EYS: variants seen among roughly 807,000 people sequenced by gnomAD.
The protein encoded by EYS is protein eyes shut homolog.
In EYS, 250 loss-of-function variants were observed where a neutral mutation model predicts 282.1. That is an observed-to-expected ratio of 0.89 (90% CI 0.80 to 0.98). The LOEUF (loss-of-function observed/expected upper bound fraction) is 0.98. Ranked by LOEUF, EYS falls within the 50% of genes least tolerant of loss-of-function variation. EYS has a pLI of 0.00. For missense variants in EYS, 4,016 were observed against 3,709.0 expected, an observed-to-expected ratio of 1.08 and a Z score of -2.15; for synonymous variants, 1,355 against 1,282.9, an observed-to-expected ratio of 1.06 and a Z score of -1.20.
At chr6:63,903,657 A>G (rs1051472442) in intron 35 of EYS, among the ~76,000 whole-genome samples, 3 of 152,098 alleles carry the variant, frequency 2.0e-5, no homozygotes, top group Admixed American at 2.0e-4. Flanking sequence ...TTACCAATTT[A>G]TGGTTTCTTT....
At chr6:65,034,101 G>T (rs1772692814) in intron 13 of EYS, among the ~76,000 whole-genome samples, 1 of 152,186 alleles carries the variant, frequency 6.6e-6, no homozygotes, top group Non-Finnish European at 1.5e-5. Context: ...CTTGCACGGG[G>T]CCTGTAGCCC....
chr6:65,166,623 G>T (rs1262997126), intron 12 of EYS, among the ~76,000 whole-genome samples: 1 of 151,144 alleles, frequency 6.6e-6, no homozygotes, highest in Non-Finnish European at 1.5e-5. Context: ...ACTTTTAGAA[G>T]CAAATCTATG....
chr6:64,615,398 C>A (rs1767241117), intron 24 of EYS, among the ~76,000 whole-genome samples: 1 of 151,968 alleles, frequency 6.6e-6, no homozygotes, highest in Admixed American at 6.6e-5. Flanking sequence ...ATACCTGTAT[C>A]CATTTCAATA....
intron 29 of EYS, among the ~76,000 whole-genome samples, chr6:64,375,484 A>G (rs535302853): frequency 3.3e-4 from 50 of 152,358 alleles, no homozygotes; most frequent in African/African-American, 1.2e-3. Context: ...CGGCTAATAT[A>G]TGTTTGCATG....
intron 26 of EYS, among the ~76,000 whole-genome samples, chr6:64,473,120 G>C (rs1776167451): frequency 6.6e-6 from 1 of 152,064 alleles, no homozygotes; most frequent in Non-Finnish European, 1.5e-5. Flanking sequence ...AAGAAAATGA[G>C]AAGTTTCTGA....
rs78806383 is a variant in EYS, at chr6:63,850,700, G to A, written c.7228+13486C>T. Among the ~76,000 whole-genome samples, 64 of 152,186 alleles carry A rather than the reference G, an allele frequency of 4.2e-4. 2 individuals are homozygous for A. Among genetic ancestry groups the A allele is most frequent in the African/African-American group, 7.9e-4 (33 of 41,510 alleles). The stretch of plus-strand genomic sequence containing the variant: ...GCACTAAATATGAAAAAGAAAAACC[G>A]GTACCAGCCACTGCAAGAACATACG... On this transcript the variant is annotated intron_variant, in intron 36 of 42. Coordinates refer to ENST00000503581, the MANE Select transcript of EYS (RefSeq NM_001142800.2).
rs1481519844 is a variant in EYS, at chr6:64,908,689, C to G, written c.2641+3795G>C. ...TGTACAACCTGAAGTCAGGCTGTCT[C>G]TTCCCGAAAGTCAGGCCATCTCATC... On this transcript the variant is annotated intron_variant, in intron 16 of 42. Coordinates refer to ENST00000503581, the MANE Select transcript of EYS (RefSeq NM_001142800.2). 3.3e-5 allele frequency among the ~76,000 whole-genome samples: 5 copies of G among 152,056 alleles called. No individual in the cohort carries two copies. The East Asian group carries it at 9.7e-4, about 30-fold the overall frequency.
chr6:64,470,989 C>T (rs921720747), intron 26 of EYS, among the ~76,000 whole-genome samples: 2 of 152,014 alleles, frequency 1.3e-5, no homozygotes, highest in Non-Finnish European at 2.9e-5. Flanking sequence ...CTGAAGGATC[C>T]CCAAATAGAC....
chr6:64,331,667 T>C (rs1489678767), intron 29 of EYS, among the ~76,000 whole-genome samples: 1 of 151,944 alleles, frequency 6.6e-6, no homozygotes, highest in African/African-American at 2.4e-5. Context: ...GAGACTCTTG[T>C]AGGACAGCAT....
At chr6:65,572,186 A>G (rs1764501913) in intron 2 of EYS, among the ~76,000 whole-genome samples, 1 of 152,138 alleles carries the variant, frequency 6.6e-6, no homozygotes, top group Non-Finnish European at 1.5e-5. Flanking sequence ...CTGGAAAATT[A>G]TAGACTCTTC....
intron 35 of EYS, among the ~76,000 whole-genome samples, chr6:63,868,279 G>A (rs1772716275): frequency 6.6e-6 from 1 of 152,030 alleles, no homozygotes; most frequent in Non-Finnish European, 1.5e-5. Context: ...AATACGGTAA[G>A]AATATTAACT....
chr6:63,973,805 A>T (rs1766703908), intron 35 of EYS, among the ~76,000 whole-genome samples: 1 of 152,120 alleles, frequency 6.6e-6, no homozygotes, highest in African/African-American at 2.4e-5. Flanking sequence ...TTTCTCATGT[A>T]GTTTATATAC....
At chr6:64,920,252 CA>C (rs1317296409) in intron 15 of EYS, among the ~76,000 whole-genome samples, 2 of 151,946 alleles carry the variant, frequency 1.3e-5, no homozygotes, top group South Asian at 2.1e-4. Flanking sequence ...AACACTTGCT[CA>C]AAAAGGCTGA....
At chr6:65,263,300 C>A (rs1483166760) in intron 12 of EYS, among the ~76,000 whole-genome samples, 2 of 151,970 alleles carry the variant, frequency 1.3e-5, no homozygotes, top group Non-Finnish European at 2.9e-5. Context: ...ATGATCGTGC[C>A]AATGTACTCC....
intron 33 of EYS, among the ~76,000 whole-genome samples, chr6:64,032,182 C>T (rs1769882699): frequency 6.6e-6 from 1 of 152,052 alleles, no homozygotes; most frequent in Non-Finnish European, 1.5e-5. Context: ...GACCACGAAC[C>T]CACCAGAAGG....
chr6:65,138,403 C>T (rs1234673043), intron 12 of EYS, among the ~76,000 whole-genome samples: 1 of 151,936 alleles, frequency 6.6e-6, no homozygotes, highest in Non-Finnish European at 1.5e-5. Flanking sequence ...ATATTTGGAA[C>T]ACAGTAGTAA....
chr6:65,332,386 T>C lies in EYS; in HGVS notation c.1766+2594A>G, dbSNP rs202191886. On this transcript the variant is annotated intron_variant, in intron 11 of 42. Transcript: ENST00000503581. ...ATAAACCTTTCTATATGTTGCTGAA[T>C]TTGGTGTGGTATCACCGTGTTGAGG... 6.7e-4 allele frequency: 749 copies of C among 1,114,802 alleles called. 2 individuals are homozygous for C. In the African/African-American group the frequency reaches 0.01, roughly 15 times the overall value. The allele number at this position is 1,114,802 out of a possible 1,614,324, so 69.1% of individuals were successfully genotyped here.
intron 24 of EYS, among the ~76,000 whole-genome samples, chr6:64,614,336 CT>C (rs1767200734): frequency 6.6e-6 from 1 of 152,106 alleles, no homozygotes; most frequent in African/African-American, 2.4e-5. Context: ...GCCTATTTAT[CT>C]GAGTTCCTTT....
chr6:65,024,395 C>T (rs866249837), intron 13 of EYS, among the ~76,000 whole-genome samples: 1 of 152,266 alleles, frequency 6.6e-6, no homozygotes, highest in African/African-American at 2.4e-5. Flanking sequence ...TAGTCATTCC[C>T]ATTCTTCCCT....
Sources: allele counts gnomAD v4.1 joint callset (sites outside exome capture counted in the v4.1 genomes callset), GRCh38; gene constraint gnomAD v4.1.1; transcripts MANE v1.5; gene names NCBI Gene and HGNC (gene_info 2026-07-23, HGNC 2026-07-21).